Variants in MORN1 observed in about 807,000 individuals in gnomAD.
MORN1 encodes MORN repeat containing 1.
MORN1 carries 67 observed loss-of-function variants against 61.9 expected under a neutral mutation model. The ratio of observed to expected loss-of-function variants is 1.08; its 90% CI spans 0.89 to 1.33. The LOEUF is 1.33. MORN1 is among the 40% of genes most tolerant of loss of function. The probability of loss-of-function intolerance (pLI) is 0.00; values close to 1 mark genes in which losing one functional copy is unlikely to be tolerated. For missense variants in MORN1, 752 were observed against 691.2 expected (o/e 1.09, Z -0.99); for synonymous variants, 301 against 292.0 (o/e 1.03, Z -0.31).
intron 8 of MORN1, among the ~76,000 whole-genome samples, chr1:2,359,250 T>C (rs938696639): frequency 6.6e-6 from 1 of 152,078 alleles, no homozygotes. Context: ...CCCGGGGGGA[T>C]GGGCTCCCCC....
chr1:2,323,009 C>G, intron 13 of MORN1: 2 of 985,448 alleles, frequency 2.0e-6, no homozygotes, highest in Non-Finnish European at 2.4e-6. Flanking sequence ...ATCGGATCTC[C>G]CTTCGCTCCT....
chr1:2,328,370 G>A (rs1641080442), intron 12 of MORN1, among the ~76,000 whole-genome samples: 1 of 152,230 alleles, frequency 6.6e-6, no homozygotes, highest in South Asian at 2.1e-4. Context: ...GGCCATGCCT[G>A]GGAGTCAGAG....
At chr1:2,333,281 G>C (rs965750038) in intron 12 of MORN1, among the ~76,000 whole-genome samples, 2 of 152,238 alleles carry the variant, frequency 1.3e-5, no homozygotes, top group African/African-American at 4.8e-5. Context: ...CACATCCTCT[G>C]TGCCCAGCAG....
At chr1:2,341,594 G>A (rs1641395749) in intron 10 of MORN1, among the ~76,000 whole-genome samples, 1 of 152,020 alleles carries the variant, frequency 6.6e-6, no homozygotes. Flanking sequence ...GGGAGGCTGA[G>A]GCACGAGAAT....
chr1:2,331,798 C>T (rs900126226), intron 12 of MORN1, among the ~76,000 whole-genome samples: 3 of 152,084 alleles, frequency 2.0e-5, no homozygotes, highest in African/African-American at 7.2e-5. Context: ...TGCCGCTCCT[C>T]TCCCGCGGCT....
rs928577057 is a variant in MORN1 at position 2,334,577 on chromosome 1, G to T, written c.1250+1892C>A. On this transcript the variant is annotated intron_variant, in intron 12 of 13. Coordinates refer to ENST00000378531, the MANE Select transcript of MORN1 (RefSeq NM_024848.3). This position sits in a 1 kb window ranked among gnomAD's most constrained non-coding sequence, Gnocchi z 5.4. ...GGCTGCCTGTCCCAACACGACGAGA[G>T]GGCCCTGGCTGTGTGGCCGTGGAGC... Among the ~76,000 whole-genome samples the T allele has an allele frequency of 1.3e-4, 20 of 152,298 alleles. No individual in the cohort carries two copies. The highest frequency in any genetic ancestry group is 8.3e-4 in the South Asian group (4 of 4,828).
At chr1:2,388,173 G>T in intron 3 of MORN1, 66 bp downstream of exon 3, 1 of 1,284,946 alleles carries the variant, frequency 7.8e-7, no homozygotes, top group Non-Finnish European at 1.1e-6. Context: ...ATCTAGACTC[G>T]GCGGACCAAC....
chr1:2,377,587 A>T (rs72921000), intron 6 of MORN1: 1 of 152,266 alleles, frequency 6.6e-6, no homozygotes, highest in Non-Finnish European at 1.5e-5. Context: ...CTTTCTCCCA[A>T]TGGGAAGCAC....
intron 13 of MORN1, chr1:2,321,989 C>A (rs552938556): frequency 9.2e-6 from 9 of 975,774 alleles, no homozygotes; most frequent in Admixed American, 1.2e-4. Context: ...AAAAATAATT[C>A]ATTCCCTCCA....
At chr1:2,348,815 GCACA>G (rs144987376) in intron 10 of MORN1, among the ~76,000 whole-genome samples, 1,763 of 149,192 alleles carry the variant, frequency 0.012, 36 homozygotes, top group African/African-American at 0.04. Context: ...GCGCGGGCAC[GCACA>G]CACACGCACG....
At chr1:2,329,049 C>A (rs973580311) in intron 12 of MORN1, among the ~76,000 whole-genome samples, 3 of 152,184 alleles carry the variant, frequency 2.0e-5, no homozygotes, top group African/African-American at 7.2e-5. Context: ...CCGTGGACAC[C>A]CAGGTGCCCT....
chr1:2,380,036 G>T (rs1348031735), intron 6 of MORN1, among the ~76,000 whole-genome samples: 2 of 152,194 alleles, frequency 1.3e-5, no homozygotes, highest in Admixed American at 6.5e-5. Flanking sequence ...TGGTGGTGGT[G>T]GGGGGTGCGG....
chr1:2,389,965 G>T lies in MORN1; in HGVS notation c.108C>A (p.Phe36Leu). ...CTTTCCATTCTCCTTCATATCGAAAGAAGGAATTTGGGTATACGTAGACAC... is the reference window on the plus strand; with the variant it reads ...CTTTCCATTCTCCTTCATATCGAAATAAGGAATTTGGGTATACGTAGACAC... ...GYGVYVYPNS[F>L]FRYEGEWKAG... The change falls in exon 2 of 14, where the codon TTC becomes TTA. Residue 36 changes from phenylalanine (F) to leucine (L), a missense_variant. Coordinates refer to ENST00000378531, the MANE Select transcript of MORN1 (RefSeq NM_024848.3). 6.2e-7 allele frequency: 1 copy of T among 1,614,142 alleles called. No homozygotes were observed. Among genetic ancestry groups the T allele is most frequent in the Non-Finnish European group, 8.5e-7 (1 of 1,179,988 alleles).
intron 10 of MORN1, among the ~76,000 whole-genome samples, chr1:2,347,372 C>A (rs530348071): frequency 6.6e-6 from 1 of 152,160 alleles, no homozygotes; most frequent in Admixed American, 6.5e-5. Flanking sequence ...TGTGTGGCTG[C>A]GGCTGCCCCC....
rs866389148 is a variant in MORN1, at chr1:2,332,489, G to A, written c.1250+3980C>T. The A allele has an allele frequency of 1.0e-4, 41 of 396,630 alleles. No individual in the cohort carries two copies. The Middle Eastern group carries it at 5.1e-3, about 49-fold the overall frequency. 24.6% of individuals were successfully genotyped at this position (396,630 alleles called of 1,614,324 possible). A position where few individuals can be genotyped will look rare whatever the true frequency, so the allele number is the denominator to read the frequency against. ...CACTGCTTCTCCCATTGTCCCCCTC[G>A]GCAGTTCTGTCTTGACATCGACCCC... On this transcript the variant is annotated intron_variant, in intron 12 of 13. Transcript: ENST00000378531.
Position 2,357,695 on chromosome 1 carries a change from C to G in MORN1, c.870-97G>C. The G allele has an allele frequency of 7.1e-7, 1 of 1,409,904 alleles. No homozygotes were observed. The highest frequency in any genetic ancestry group is 9.5e-7 in the Non-Finnish European group (1 of 1,057,768). 87.3% of individuals were successfully genotyped at this position (1,409,904 alleles called of 1,614,324 possible). On this transcript the variant is annotated intron_variant, in intron 9 of 13. Transcript: ENST00000378531. The surrounding 1 kb of genome is among the most constrained non-coding windows in gnomAD (Gnocchi z 6.3). Reference sequence around the variant, plus strand: ...CCACGCCCTGGACCCTGGGACTTGCCTACACTGAGTCCAGGGAGCGCTACT... The same window carrying G: ...CCACGCCCTGGACCCTGGGACTTGCGTACACTGAGTCCAGGGAGCGCTACT...
At chr1:2,345,563 G>A (rs1478370290) in intron 10 of MORN1, among the ~76,000 whole-genome samples, 2 of 152,190 alleles carry the variant, frequency 1.3e-5, no homozygotes, top group South Asian at 2.1e-4. Context: ...CCTGCCCCTC[G>A]CCAGTGGACA....
intron 7 of MORN1, among the ~76,000 whole-genome samples, chr1:2,373,528 T>C (rs560897774): frequency 1.1e-4 from 17 of 152,280 alleles, no homozygotes; most frequent in Non-Finnish European, 2.2e-4. Flanking sequence ...ATTCTTTCCC[T>C]TGAGGTGAGG....
intron 5 of MORN1, chr1:2,385,549 C>CG (rs556462194): frequency 0.12 from 11,632 of 96,646 alleles, 1,450 homozygotes; most frequent in African/African-American, 0.28. Flanking sequence ...GTATTTTAAT[C>CG]GGGGGGGGGG....
Sources: gnomAD v4.1 joint callset for allele counts (sites outside exome capture counted in the v4.1 genomes callset) on GRCh38, gnomAD v4.1.1 for gene constraint, Gnocchi (gnomAD v3.1) non-coding constraint, MANE v1.5 for transcripts, NCBI Gene and HGNC (gene_info 2026-07-23, HGNC 2026-07-21) for gene names.